COPS9: variants seen among roughly 807,000 people sequenced by gnomAD.
COPS9 encodes the protein COP9 signalosome subunit 9, also known as COP9 signalosome complex subunit 9.
Under a neutral mutation model 7.2 loss-of-function variants are expected in COPS9, and 8 were observed. The ratio of observed to expected loss-of-function variants is 1.11; its 90% CI spans 0.65 to 2.00. COPS9 has a LOEUF of 2.00. Among genes scored for constraint, COPS9 ranks in the 30% most tolerant of loss-of-function variants. COPS9 has a pLI of 0.00. For synonymous variants in COPS9, 39 were observed against 28.7 expected, an observed-to-expected ratio of 1.36 and a Z score of -1.14; for missense variants, 74 against 77.7, an observed-to-expected ratio of 0.95 and a Z score of 0.18.
downstream of COPS9, among the ~76,000 whole-genome samples, chr2:240,129,057 C>A (rs888369683): frequency 2.0e-5 from 3 of 152,236 alleles, no homozygotes; most frequent in Admixed American, 2.0e-4. Flanking sequence ...CTGCACTCTG[C>A]CTGAGTTCCT....
At chr2:240,136,011 G>T in intron 1 of COPS9, 3 of 774,612 alleles carry the variant, frequency 3.9e-6, no homozygotes, top group Non-Finnish European at 5.6e-6. Context: ...CCGGGCTAGG[G>T]CACACGCTTC....
chr2:240,131,021 G>T lies in COPS9; in HGVS notation c.*30C>A. On this transcript the variant is annotated 3_prime_UTR_variant, in exon 3 of 3. Transcript: ENST00000607357. ...CTCACACTGCGGCTCTGTACCAAGGGCTTGGCCCCGCCTGCAGCCAGAGGG... is the reference window on the plus strand; with the variant it reads ...CTCACACTGCGGCTCTGTACCAAGGTCTTGGCCCCGCCTGCAGCCAGAGGG... 6.2e-7 allele frequency: 1 copy of T among 1,611,828 alleles called. No individual in the cohort carries two copies. The highest frequency in any genetic ancestry group is 8.5e-7 in the Non-Finnish European group (1 of 1,179,242).
In COPS9 at chr2:240,132,944, T is replaced by G; in HGVS notation, c.136+989A>C. ...AAATGTCATCTGCCTCAGTTCTGACTCCAGTTGGTAGCAGTAAGAATGCTG... is the reference window on the plus strand; with the variant it reads ...AAATGTCATCTGCCTCAGTTCTGACGCCAGTTGGTAGCAGTAAGAATGCTG... On this transcript the variant is annotated intron_variant, in intron 2 of 2. Transcript: ENST00000607357. The surrounding 1 kb of genome is among the most constrained non-coding windows in gnomAD (Gnocchi z 4.1). 6.6e-6 allele frequency among the ~76,000 whole-genome samples: 1 copy of G among 152,228 alleles called. No homozygotes were observed. The highest frequency in any genetic ancestry group is 1.5e-5 in the Non-Finnish European group (1 of 68,044).
At chr2:240,135,976 C>G (rs754226968) in intron 1 of COPS9, 47 of 573,314 alleles carry the variant, frequency 8.2e-5, no homozygotes, top group Non-Finnish European at 1.3e-4. Flanking sequence ...AGGCACTCAA[C>G]CCTCAGGCTG....
At chr2:240,135,712 G>C (rs1270914940) in intron 1 of COPS9, among the ~76,000 whole-genome samples, 1 of 152,204 alleles carries the variant, frequency 6.6e-6, no homozygotes, top group East Asian at 1.9e-4. Flanking sequence ...TTTCCGCTCC[G>C]ACAGGAATGA....
chr2:240,126,844 A>C, downstream of COPS9: 1 of 1,614,202 alleles, frequency 6.2e-7, no homozygotes, highest in Non-Finnish European at 8.5e-7. Context: ...TGTTCTCTGC[A>C]TCTGGTAAAC....
At chr2:240,128,049 T>C (rs78280206), downstream of COPS9, among the ~76,000 whole-genome samples, 2,366 of 152,326 alleles carry the variant, frequency 0.016, 44 homozygotes, top group East Asian at 0.089. Flanking sequence ...CTGCGCTGTG[T>C]GGCCAAGATG....
chr2:240,126,865 C>T, downstream of COPS9: 24 of 1,614,196 alleles, frequency 1.5e-5, no homozygotes, highest in Non-Finnish European at 2.0e-5. Context: ...ATTAGCGCCT[C>T]CGCCCCCTGC....
intron 1 of COPS9, 32 bp from the exon 2 acceptor site, chr2:240,134,037 T>G (rs779658569): frequency 6.2e-7 from 1 of 1,611,104 alleles, no homozygotes; most frequent in African/African-American, 1.3e-5. Flanking sequence ...TTATGTCAGG[T>G]GCGTTTTCCG....
chr2:240,130,080 C>T (rs764677816), downstream of COPS9: 15 of 1,414,534 alleles, frequency 1.1e-5, no homozygotes, highest in Middle Eastern at 3.5e-4. Flanking sequence ...GGTGGAAATC[C>T]ACTCACCACT....
At chr2:240,136,085 G>T in intron 1 of COPS9, 137 bp downstream of exon 1, 1 of 1,260,016 alleles carries the variant, frequency 7.9e-7, no homozygotes, top group Non-Finnish European at 1.0e-6. Flanking sequence ...CTCTCCGCGG[G>T]GCAGGGAGCC....
chr2:240,129,775 G>C, downstream of COPS9: 1 of 672,964 alleles, frequency 1.5e-6, no homozygotes, highest in Non-Finnish European at 2.6e-6. Flanking sequence ...CCCTCTCCAA[G>C]TGCAGACGAC....
downstream of COPS9, among the ~76,000 whole-genome samples, chr2:240,128,147 C>CT (rs1483870726): frequency 6.6e-6 from 1 of 152,232 alleles, no homozygotes; most frequent in Non-Finnish European, 1.5e-5. Flanking sequence ...GGGCGAATCA[C>CT]AGACCTTCCT....
downstream of COPS9, chr2:240,126,611 A>C (rs2106553541): frequency 1.9e-6 from 3 of 1,614,120 alleles, no homozygotes; most frequent in East Asian, 6.7e-5. Flanking sequence ...CTTCTTCTCC[A>C]CCAGCAACGG....
At chr2:240,127,516 T>A (rs2071878788), downstream of COPS9, among the ~76,000 whole-genome samples, 1 of 152,068 alleles carries the variant, frequency 6.6e-6, no homozygotes. Context: ...GAAATTTGTG[T>A]CCCCTCAAAA....
downstream of COPS9, among the ~76,000 whole-genome samples, chr2:240,130,635 A>G (rs1278812339): frequency 6.6e-6 from 1 of 152,264 alleles, no homozygotes; most frequent in Non-Finnish European, 1.5e-5. Context: ...CAGCAGGCCC[A>G]GCTGTGCACG....
downstream of COPS9, among the ~76,000 whole-genome samples, chr2:240,130,480 G>A (rs189254351): frequency 6.6e-5 from 10 of 152,298 alleles, no homozygotes; most frequent in East Asian, 3.9e-4. Context: ...GCATCCTGTC[G>A]TCCTAGTTCT....
chr2:240,134,887 C>A (rs939332000), intron 1 of COPS9, among the ~76,000 whole-genome samples: 1 of 152,146 alleles, frequency 6.6e-6, no homozygotes, highest in African/African-American at 2.4e-5. Flanking sequence ...TCCCTGCTCT[C>A]ATTTTTCTAC....
downstream of COPS9, chr2:240,129,760 C>T: frequency 1.6e-6 from 1 of 619,716 alleles, no homozygotes; most frequent in South Asian, 2.1e-5. Context: ...CACTGAAAAA[C>T]CCCACCCTCT....
Sources: gnomAD v4.1 joint callset for allele counts (sites outside exome capture counted in the v4.1 genomes callset) on GRCh38, gnomAD v4.1.1 for gene constraint, Gnocchi (gnomAD v3.1) non-coding constraint, MANE v1.5 for transcripts, NCBI Gene and HGNC (gene_info 2026-07-23, HGNC 2026-07-21) for gene names.